CNTNAP2: variants seen among roughly 807,000 people sequenced by gnomAD.
CNTNAP2 encodes the protein contactin associated protein 2.
In CNTNAP2, 98 loss-of-function variants were observed where a neutral mutation model predicts 155.2. That is an observed-to-expected ratio of 0.63 (90% confidence interval 0.54 to 0.75). CNTNAP2 has a LOEUF of 0.75. CNTNAP2 is among the 30% of genes least tolerant of loss of function. The probability of loss-of-function intolerance (pLI) is 0.00; values close to 1 mark genes in which losing one functional copy is unlikely to be tolerated. For synonymous variants in CNTNAP2, 651 were observed against 631.2 expected (o/e 1.03, Z -0.47); for missense variants, 1,727 against 1,688.1 (o/e 1.02, Z -0.40).
At chr7:147,213,799 C>T (rs773396903) in intron 8 of CNTNAP2, among the ~76,000 whole-genome samples, 1 of 152,116 alleles carries the variant, frequency 6.6e-6, no homozygotes, top group Non-Finnish European at 1.5e-5. Flanking sequence ...TATGACATAA[C>T]TCTCAGTCTG....
chr7:146,936,391 A>G (rs1431603541), intron 3 of CNTNAP2, among the ~76,000 whole-genome samples: 1 of 152,094 alleles, frequency 6.6e-6, no homozygotes, highest in South Asian at 2.1e-4. Flanking sequence ...GGTACCATCT[A>G]CTCAATCCTC....
chr7:148,168,478 C>T (rs915240727), intron 17 of CNTNAP2, among the ~76,000 whole-genome samples: 11 of 149,434 alleles, frequency 7.4e-5, no homozygotes, highest in South Asian at 2.1e-4. Context: ...AACCAAACAC[C>T]GCATGTTCTC....
At chr7:146,855,509 G>T (rs954468253) in intron 3 of CNTNAP2, among the ~76,000 whole-genome samples, 3 of 151,904 alleles carry the variant, frequency 2.0e-5, no homozygotes, top group Non-Finnish European at 2.9e-5. Context: ...GAAGAAAACC[G>T]ATAAAATATA....
At chr7:147,795,256 C>A (rs1051160348) in intron 13 of CNTNAP2, among the ~76,000 whole-genome samples, 15 of 151,900 alleles carry the variant, frequency 9.9e-5, no homozygotes, top group Admixed American at 4.6e-4. Context: ...CTGTAAACAG[C>A]AAATAGTTGA....
intron 11 of CNTNAP2, among the ~76,000 whole-genome samples, chr7:147,558,456 A>G (rs6943684): frequency 0.022 from 3,349 of 152,244 alleles, 123 homozygotes; most frequent in African/African-American, 0.077. Context: ...TGCCAGCGTC[A>G]TTTGGGAGCT....
At chr7:148,167,474 T>C (rs988304358) in intron 17 of CNTNAP2, among the ~76,000 whole-genome samples, 1 of 152,020 alleles carries the variant, frequency 6.6e-6, no homozygotes, top group Admixed American at 6.6e-5. Flanking sequence ...TACAGTCATA[T>C]GTTACACCCA....
intron 1 of CNTNAP2, among the ~76,000 whole-genome samples, chr7:146,395,779 TGATAGATAGATAGATA>T (rs1554427700): frequency 1.1e-4 from 13 of 122,024 alleles, no homozygotes; most frequent in South Asian, 2.7e-4. Context: ...GATAGACAGA[TGATAGATAGATAGATA>T]GATAGATAGA....
At chr7:147,832,171 C>T (rs989649515) in intron 13 of CNTNAP2, among the ~76,000 whole-genome samples, 2 of 66,140 alleles carry the variant, frequency 3.0e-5, no homozygotes, top group African/African-American at 1.3e-4. Flanking sequence ...ATTATATAAA[C>T]ATTTAATTAA....
chr7:147,953,766 G>A (rs369947418), intron 14 of CNTNAP2, among the ~76,000 whole-genome samples: 18 of 152,142 alleles, frequency 1.2e-4, no homozygotes, highest in South Asian at 6.2e-4. Context: ...GGTGGTTGCC[G>A]GAAACCCTTG....
At chr7:146,934,171 G>T (rs1468675733) in intron 3 of CNTNAP2, among the ~76,000 whole-genome samples, 3 of 151,850 alleles carry the variant, frequency 2.0e-5, no homozygotes, top group East Asian at 1.9e-4. Flanking sequence ...ATTCACAATA[G>T]CAAAGACTTG....
In CNTNAP2 at chr7:146,721,628, CATTCTATATATATTCTATATAT is replaced by C. The variant is rs1156666597; in HGVS notation, c.98-52632_98-52611del. On this transcript the variant is annotated intron_variant, in intron 1 of 23. Transcript: ENST00000361727. ...ACATTCTATATATATATTCTATATA[CATTCTATATATATTCTATATAT>C]ATTCTATATACATTCTATATATATA... is the stretch of plus-strand genomic sequence containing the variant. Among the ~76,000 whole-genome samples, 842 of 86,250 alleles carry C rather than the reference CATTCTATATATATTCTATATAT, an allele frequency of 9.8e-3. 68 individuals are homozygous for C. The highest frequency in any genetic ancestry group is 0.069 in the African/African-American group (788 of 11,402). 56.6% of individuals were successfully genotyped at this position (86,250 alleles called of 152,430 possible). A position where few individuals can be genotyped will look rare whatever the true frequency, so the allele number is the denominator to read the frequency against.
intron 1 of CNTNAP2, among the ~76,000 whole-genome samples, chr7:146,502,961 A>G (rs1014094672): frequency 1.3e-5 from 2 of 152,154 alleles, no homozygotes; most frequent in African/African-American, 4.8e-5. Context: ...AGTGAGGTTG[A>G]GTATTATTTT....
At chr7:148,083,730 C>A (rs542456840) in intron 15 of CNTNAP2, among the ~76,000 whole-genome samples, 1 of 152,174 alleles carries the variant, frequency 6.6e-6, no homozygotes, top group Non-Finnish European at 1.5e-5. Context: ...TCTCAGAAGT[C>A]TCTGGGGACG....
At chr7:146,395,786 TAGATAGATA>T (rs1563068273) in intron 1 of CNTNAP2, among the ~76,000 whole-genome samples, 112 of 91,340 alleles carry the variant, frequency 1.2e-3, no homozygotes, top group Middle Eastern at 6.3e-3. Flanking sequence ...AGATGATAGA[TAGATAGATA>T]GATAGATAGA....
intron 14 of CNTNAP2, among the ~76,000 whole-genome samples, chr7:147,909,562 G>A (rs1190531769): frequency 1.3e-5 from 2 of 152,074 alleles, no homozygotes; most frequent in African/African-American, 4.8e-5. Context: ...TTATTTCTGA[G>A]ATTGAATGTA....
chr7:146,252,666 T>C (rs1799773184), intron 1 of CNTNAP2, among the ~76,000 whole-genome samples: 2 of 152,134 alleles, frequency 1.3e-5, no homozygotes, highest in African/African-American at 4.8e-5. Context: ...CTTCAAAATA[T>C]TCGCCCCTTT....
chr7:147,353,235 G>T (rs546192291), intron 9 of CNTNAP2, among the ~76,000 whole-genome samples: 1 of 151,292 alleles, frequency 6.6e-6, no homozygotes, highest in Non-Finnish European at 1.5e-5. Flanking sequence ...TGCCATGGTC[G>T]TTTGCTGCAC....
chr7:148,050,342 C>G (rs1346961722), intron 15 of CNTNAP2, among the ~76,000 whole-genome samples: 1 of 152,100 alleles, frequency 6.6e-6, no homozygotes, highest in Non-Finnish European at 1.5e-5. Flanking sequence ...CCCTGTTAGG[C>G]CTAGGCTAAT....
At chr7:147,924,342 T>A (rs2708263) in intron 14 of CNTNAP2, among the ~76,000 whole-genome samples, 110,070 of 151,398 alleles carry the variant, frequency 0.73, 40,290 homozygotes, top group East Asian at 0.8. Context: ...TTTCTCCATG[T>A]TGGTCAGGCT....
Sources: allele counts gnomAD v4.1 joint callset (sites outside exome capture counted in the v4.1 genomes callset), GRCh38; gene constraint gnomAD v4.1.1; transcripts MANE v1.5; gene names NCBI Gene and HGNC (gene_info 2026-07-23, HGNC 2026-07-21).